ZDHHC11B: variants seen among roughly 807,000 people sequenced by gnomAD.
ZDHHC11B encodes zDHHC palmitoyltransferase 11B (putative), also known as probable palmitoyltransferase ZDHHC11B.
ZDHHC11B carries 17 observed loss-of-function variants against 42.3 expected under a neutral mutation model. The observed-to-expected ratio is 0.40, with a 90% confidence interval of 0.27 to 0.60. The LOEUF is 0.60. Ranked by LOEUF, ZDHHC11B falls within the 20% of genes least tolerant of loss-of-function variation. The pLI is 0.41. For synonymous variants in ZDHHC11B, 123 were observed against 193.5 expected (o/e 0.64, Z 3.02); for missense variants, 262 against 463.2 (o/e 0.57, Z 3.99).
chr5:724,260 C>T (rs1742397208), intron 12 of ZDHHC11B, among the ~76,000 whole-genome samples: 1 of 150,016 alleles, frequency 6.7e-6, no homozygotes, highest in African/African-American at 2.5e-5. Flanking sequence ...GGCTGGAGTG[C>T]AGTGGCACGA....
At chr5:722,935 A>T (rs1305380840) in intron 12 of ZDHHC11B, among the ~76,000 whole-genome samples, 1 of 151,736 alleles carries the variant, frequency 6.6e-6, no homozygotes, top group African/African-American at 2.4e-5. Flanking sequence ...GTTAAAAAAA[A>T]AATGAAAAAG....
chr5:716,679 A>C, intron 13 of ZDHHC11B, 122 bp downstream of exon 13: 1 of 1,258,642 alleles, frequency 7.9e-7, no homozygotes, highest in Non-Finnish European at 1.1e-6. Flanking sequence ...ACATCAAGAG[A>C]CAAACGACAA....
intron 4 of ZDHHC11B, among the ~76,000 whole-genome samples, chr5:765,478 GGACCAATCAGCTCTCTGTAAAACA>G (rs1442747797): frequency 2.0e-5 from 3 of 151,976 alleles, no homozygotes; most frequent in South Asian, 4.2e-4. Flanking sequence ...CTGTCAAAAC[GGACCAATCAGCTCTCTGTAAAACA>G]GACCAATCAG....
chr5:759,029 G>A (rs1382390513), intron 4 of ZDHHC11B, among the ~76,000 whole-genome samples: 3 of 152,016 alleles, frequency 2.0e-5, no homozygotes, highest in African/African-American at 7.2e-5. Flanking sequence ...AATTTTCTCT[G>A]CTTCTACTTT....
intron 8 of ZDHHC11B, among the ~76,000 whole-genome samples, chr5:746,323 C>T (rs1314280061): frequency 1.4e-5 from 2 of 147,462 alleles, no homozygotes; most frequent in African/African-American, 2.5e-5. Context: ...GCCCAGCCCT[C>T]ACAGGATGCG....
chr5:770,462 C>T (rs1735918539), intron 1 of ZDHHC11B, among the ~76,000 whole-genome samples: 1 of 150,722 alleles, frequency 6.6e-6, no homozygotes, highest in African/African-American at 2.4e-5. Context: ...CAGTGTGTGA[C>T]TGGCAGCATC....
rs148527060 is a variant in ZDHHC11B, at chr5:757,848, C to A, written c.223-1704G>T. Among the ~76,000 whole-genome samples, 493 of 151,890 alleles carry A rather than the reference C, an allele frequency of 3.2e-3. 12 individuals carry two copies. Among genetic ancestry groups the A allele is most frequent in the Non-Finnish European group, 4.7e-3 (318 of 67,862 alleles). ...GGGGTGTGGTGGGAGCTAGGCAGTG[C>A]AGCAACGGGGCCAGCCAGGCCCTGG... On this transcript the variant is annotated intron_variant, in intron 4 of 13. Coordinates refer to ENST00000508859, the MANE Select transcript of ZDHHC11B (RefSeq NM_001351303.2).
chr5:717,654 C>T (rs1451812760), intron 12 of ZDHHC11B, among the ~76,000 whole-genome samples: 2 of 151,770 alleles, frequency 1.3e-5, no homozygotes, highest in African/African-American at 2.4e-5. Context: ...AAGGACAGGA[C>T]ATCAAAGAAA....
chr5:732,403 G>A (rs1356607974), intron 11 of ZDHHC11B: 27 of 301,962 alleles, frequency 8.9e-5, no homozygotes, highest in African/African-American at 2.0e-4. Flanking sequence ...AGGTGTCAAC[G>A]TGGACAATCG....
chr5:760,586 C>T (rs765368196), intron 4 of ZDHHC11B, among the ~76,000 whole-genome samples: 12 of 151,778 alleles, frequency 7.9e-5, no homozygotes, highest in Non-Finnish European at 1.0e-4. Flanking sequence ...GGACACGCCG[C>T]GGCCACCTGG....
In ZDHHC11B at chr5:780,297, G is replaced by A. The variant is rs1286587110; in HGVS notation, c.-230+4371C>T. Among the ~76,000 whole-genome samples the A allele has an allele frequency of 1.4e-4, 21 of 150,632 alleles. No homozygotes were observed. The East Asian group carries it at 2.6e-3, about 19-fold the overall frequency. Reference sequence around the variant, plus strand: ...CAAAGAACATCCCAGGAATGCCCACGACAGCTTCATCCCTAGTTGCCAAGA... The same window carrying A: ...CAAAGAACATCCCAGGAATGCCCACAACAGCTTCATCCCTAGTTGCCAAGA... On this transcript the variant is annotated intron_variant, in intron 1 of 13. Coordinates refer to ENST00000508859, the MANE Select transcript of ZDHHC11B (RefSeq NM_001351303.2).
At chr5:712,648 A>T (rs1212334774) in intron 13 of ZDHHC11B, among the ~76,000 whole-genome samples, 1 of 149,892 alleles carries the variant, frequency 6.7e-6, no homozygotes, top group Admixed American at 6.7e-5. Flanking sequence ...GGTGGCTCAC[A>T]CCTGTAATCC....
intron 10 of ZDHHC11B, among the ~76,000 whole-genome samples, chr5:738,572 AG>A (rs1259950063): frequency 2.5e-4 from 28 of 110,870 alleles, no homozygotes; most frequent in African/African-American, 8.5e-4. Context: ...TTACCAAAAC[AG>A]CAGGGAACTA....
At chr5:766,636 G>A (rs1347700381) in intron 4 of ZDHHC11B, 62 bp downstream of exon 4, 2 of 1,499,558 alleles carry the variant, frequency 1.3e-6, no homozygotes, top group Non-Finnish European at 1.8e-6. Context: ...CCACAGCCAG[G>A]TCCATCGCAG....
intron 8 of ZDHHC11B, chr5:748,124 C>G (rs1490458174): frequency 1.8e-6 from 1 of 541,276 alleles, no homozygotes; most frequent in African/African-American, 1.9e-5. Flanking sequence ...TTACTTCAAG[C>G]ACCCGGCAGC....
chr5:772,927 T>C (rs181894285), intron 1 of ZDHHC11B, among the ~76,000 whole-genome samples: 2 of 152,018 alleles, frequency 1.3e-5, no homozygotes, highest in East Asian at 3.9e-4. Context: ...ACAAAATATT[T>C]TTAAAAAAGT....
At chr5:750,429 C>A (rs2335287) in intron 7 of ZDHHC11B, among the ~76,000 whole-genome samples, 41,556 of 133,202 alleles carry the variant, frequency 0.31, 6,980 homozygotes, top group South Asian at 0.45. Context: ...TCACGAGGCC[C>A]CCTCCCCTCT....
chr5:749,241 A>G (rs760319151), intron 7 of ZDHHC11B, among the ~76,000 whole-genome samples: 2 of 130,438 alleles, frequency 1.5e-5, no homozygotes, highest in Non-Finnish European at 3.4e-5. Context: ...CAGGAAAGCC[A>G]CAGCTCTCAC....
intron 4 of ZDHHC11B, among the ~76,000 whole-genome samples, chr5:759,284 C>T (rs1233689359): frequency 6.6e-6 from 1 of 151,894 alleles, no homozygotes; most frequent in African/African-American, 2.4e-5. Flanking sequence ...ACACTGCTAA[C>T]CTTTCCCCCG....
Sources: allele counts gnomAD v4.1 joint callset (sites outside exome capture counted in the v4.1 genomes callset), GRCh38; gene constraint gnomAD v4.1.1; transcripts MANE v1.5; gene names NCBI Gene and HGNC (gene_info 2026-07-23, HGNC 2026-07-21).